Variants in LRMDA observed in about 807,000 individuals in gnomAD.
LRMDA encodes leucine-rich melanocyte differentiation-associated protein.
Under a neutral mutation model 29.8 loss-of-function variants are expected in LRMDA, and 18 were observed. The observed-to-expected ratio is 0.60, with a 90% CI of 0.42 to 0.90. The LOEUF (loss-of-function observed/expected upper bound fraction) is 0.90. Ranked by LOEUF, LRMDA falls within the 40% of genes least tolerant of loss-of-function variation. The pLI is 0.00. For missense variants in LRMDA, 273 were observed against 273.9 expected (o/e 1.00, Z 0.02); for synonymous variants, 125 against 109.4 (o/e 1.14, Z -0.89).
At chr10:76,107,150 G>A (rs1849500290) in intron 5 of LRMDA, among the ~76,000 whole-genome samples, 1 of 152,200 alleles carries the variant, frequency 6.6e-6, no homozygotes, top group Non-Finnish European at 1.5e-5. Flanking sequence ...TCTGGCTGGG[G>A]CTGGATCACT....
chr10:75,945,615 C>T (rs929701526), intron 2 of LRMDA, among the ~76,000 whole-genome samples: 1 of 152,150 alleles, frequency 6.6e-6, no homozygotes, highest in Non-Finnish European at 1.5e-5. Flanking sequence ...TTATAATTTT[C>T]ATCAATGGGA....
At chr10:76,129,981 C>T (rs1849957354) in intron 5 of LRMDA, among the ~76,000 whole-genome samples, 1 of 152,100 alleles carries the variant, frequency 6.6e-6, no homozygotes, top group East Asian at 1.9e-4. Flanking sequence ...ACCATATTTA[C>T]TTTATAAAGG....
intron 5 of LRMDA, among the ~76,000 whole-genome samples, chr10:76,240,609 A>G (rs1360870303): frequency 6.6e-6 from 1 of 150,910 alleles, no homozygotes; most frequent in East Asian, 1.9e-4. Flanking sequence ...CATTTGATCC[A>G]GCAATCCCAC....
chr10:76,348,648 T>A (rs544990661), intron 6 of LRMDA, among the ~76,000 whole-genome samples: 1 of 152,274 alleles, frequency 6.6e-6, no homozygotes, highest in African/African-American at 2.4e-5. Flanking sequence ...CAGCCACAAA[T>A]GTCTTGCCAT....
chr10:76,472,902 A>G (rs1422547239), intron 6 of LRMDA, among the ~76,000 whole-genome samples: 1 of 151,532 alleles, frequency 6.6e-6, no homozygotes, highest in African/African-American at 2.4e-5. Flanking sequence ...CTACAAAAAA[A>G]GACCCCGGGC....
intron 5 of LRMDA, among the ~76,000 whole-genome samples, chr10:76,230,007 T>C (rs1034878889): frequency 2.0e-5 from 3 of 152,134 alleles, no homozygotes; most frequent in Admixed American, 1.3e-4. Context: ...CTGGGACCAA[T>C]TATTATTTTA....
intron 2 of LRMDA, among the ~76,000 whole-genome samples, chr10:75,906,977 G>A (rs915057260): frequency 6.6e-6 from 1 of 152,188 alleles, no homozygotes; most frequent in African/African-American, 2.4e-5. Context: ...AACCAAGAGG[G>A]GAAATTGTTC....
At chr10:75,567,528 TAAG>T (rs1260607291) in intron 2 of LRMDA, among the ~76,000 whole-genome samples, 1 of 152,136 alleles carries the variant, frequency 6.6e-6, no homozygotes, top group Non-Finnish European at 1.5e-5. Context: ...ACTTAACAGA[TAAG>T]GAAAATGTGT....
intron 6 of LRMDA, among the ~76,000 whole-genome samples, chr10:76,331,481 T>TCAATGTGC (rs1340524629): frequency 1.3e-5 from 2 of 152,150 alleles, no homozygotes; most frequent in African/African-American, 2.4e-5. Flanking sequence ...TCATTGAAAG[T>TCAATGTGC]TCATAGAAGC....
At chr10:75,636,566 G>A (rs1388375147) in intron 2 of LRMDA, among the ~76,000 whole-genome samples, 2 of 151,894 alleles carry the variant, frequency 1.3e-5, no homozygotes, top group Non-Finnish European at 2.9e-5. Context: ...TTCATGAGAT[G>A]TATTATTTAT....
At chr10:75,665,208 C>G (rs574247204) in intron 2 of LRMDA, among the ~76,000 whole-genome samples, 1 of 152,170 alleles carries the variant, frequency 6.6e-6, no homozygotes, top group African/African-American at 2.4e-5. Flanking sequence ...CTGTTGTCAG[C>G]GGTAGAATTC....
chr10:76,112,287 C>G (rs1248289619), intron 5 of LRMDA, among the ~76,000 whole-genome samples: 7 of 152,176 alleles, frequency 4.6e-5, no homozygotes, highest in Non-Finnish European at 8.8e-5. Context: ...AGCCCCTCTC[C>G]CTGAGCACAC....
intron 2 of LRMDA, among the ~76,000 whole-genome samples, chr10:75,540,558 C>T (rs905004270): frequency 1.3e-5 from 2 of 152,182 alleles, no homozygotes; most frequent in Non-Finnish European, 2.9e-5. Context: ...ATCTTACCTC[C>T]CCACTAGCAC....
At chr10:75,433,746 A>G (rs1041889513) in intron 1 of LRMDA, among the ~76,000 whole-genome samples, 13 of 152,306 alleles carry the variant, frequency 8.5e-5, no homozygotes, top group East Asian at 5.8e-4. Context: ...TTTTATTACA[A>G]TGTTACTCAA....
At chr10:75,883,848 G>A (rs1241754386) in intron 2 of LRMDA, among the ~76,000 whole-genome samples, 1 of 151,124 alleles carries the variant, frequency 6.6e-6, no homozygotes, top group Non-Finnish European at 1.5e-5. Flanking sequence ...GATGACATGA[G>A]GAGATTCTGT....
chr10:75,861,968 A>G (rs572654126), intron 2 of LRMDA, among the ~76,000 whole-genome samples: 1 of 152,254 alleles, frequency 6.6e-6, no homozygotes, highest in East Asian at 1.9e-4. Flanking sequence ...GCCTCCAGCT[A>G]TCCCCCCCAA....
chr10:76,557,615 G>T lies in LRMDA; in HGVS notation c.*327G>T. On this transcript the variant is annotated 3_prime_UTR_variant, in exon 7 of 7. Transcript: ENST00000611255. ...CCTGGTCCTGCCACTGCTCACAGGG[G>T]AGCAGAGGTCACACCTGGGGCCTCC... The T allele has an allele frequency of 2.9e-6, 1 of 341,312 alleles. No individual in the cohort carries two copies. The highest frequency in any genetic ancestry group is 5.4e-6 in the Non-Finnish European group (1 of 184,328). The allele number at this position is 341,312 out of a possible 1,614,324, so 21.1% of individuals were successfully genotyped here.
At chr10:76,365,008 G>A (rs1841371318) in intron 6 of LRMDA, among the ~76,000 whole-genome samples, 1 of 149,426 alleles carries the variant, frequency 6.7e-6, no homozygotes, top group Admixed American at 6.7e-5. Flanking sequence ...TCTCATCCAG[G>A]TCACTGCAAA....
intron 6 of LRMDA, among the ~76,000 whole-genome samples, chr10:76,526,664 GC>G (rs376519956): frequency 9.4e-4 from 143 of 152,078 alleles, no homozygotes; most frequent in African/African-American, 3.4e-3. Flanking sequence ...TTGAAACTTT[GC>G]TAGATGCCAT....
Sources: gnomAD v4.1 joint callset for allele counts (sites outside exome capture counted in the v4.1 genomes callset) on GRCh38, gnomAD v4.1.1 for gene constraint, MANE v1.5 for transcripts, NCBI Gene and HGNC (gene_info 2026-07-23, HGNC 2026-07-21) for gene names.